The following RBPJ variants were observed in gnomAD, a reference collection of about 807,000 sequenced individuals.
RBPJ encodes recombining binding protein suppressor of hairless.
In RBPJ, 9 loss-of-function variants were observed where a neutral mutation model predicts 67.8. The ratio of observed to expected loss-of-function variants is 0.13; its 90% confidence interval spans 0.08 to 0.23. RBPJ has a LOEUF of 0.23. Among genes scored for constraint, RBPJ ranks in the 10% least tolerant of loss-of-function variants. The probability of loss-of-function intolerance (pLI) is 1.00; values close to 1 mark genes in which losing one functional copy is unlikely to be tolerated. For synonymous variants in RBPJ, 198 were observed against 203.3 expected (o/e 0.97, Z 0.22); for missense variants, 305 against 595.6 (o/e 0.51, Z 5.08).
chr4:26,201,070 G>A (rs1717965247), intron 1 of RBPJ, among the ~76,000 whole-genome samples: 1 of 152,038 alleles, frequency 6.6e-6, no homozygotes, highest in African/African-American at 2.4e-5. Context: ...ATAATCTTTG[G>A]GGTCTCTCTA....
the RBPJ span, among the ~76,000 whole-genome samples, chr4:26,121,873 CTTTTTTTTTTTTT>C: frequency 1.1e-5 from 1 of 94,108 alleles, no homozygotes; most frequent in East Asian, 4.1e-4. Flanking sequence ...GAGTATCTCT[CTTTTTTTTTTTTT>C]TTTTTTTTTG....
intron 1 of RBPJ, among the ~76,000 whole-genome samples, chr4:26,212,507 G>T (rs1214179128): frequency 5.1e-5 from 7 of 138,048 alleles, no homozygotes; most frequent in Non-Finnish European, 1.1e-4. Context: ...TGCAATCTTG[G>T]CTCACTGCAA....
chr4:26,251,631 CA>C (rs763009793), intron 1 of RBPJ, among the ~76,000 whole-genome samples: 12,523 of 99,610 alleles, frequency 0.13, 565 homozygotes, highest in East Asian at 0.29. Context: ...GACTCTTTCT[CA>C]AAAAAAAAAA....
chr4:26,318,996 CAA>C (rs201084739), upstream of RBPJ, among the ~76,000 whole-genome samples: 560 of 83,724 alleles, frequency 6.7e-3, no homozygotes, highest in African/African-American at 8.6e-3. Flanking sequence ...GACTCCGTCT[CAA>C]AAAAAAAAAA....
intron 1 of RBPJ, among the ~76,000 whole-genome samples, chr4:26,230,893 A>C (rs990253347): frequency 8.5e-5 from 13 of 152,182 alleles, no homozygotes; most frequent in South Asian, 6.2e-4. Flanking sequence ...ATCCACTGAT[A>C]TATTTTGACA....
At chr4:26,218,444 C>A (rs921242150) in intron 1 of RBPJ, among the ~76,000 whole-genome samples, 6 of 152,128 alleles carry the variant, frequency 3.9e-5, no homozygotes. Context: ...CCCTCTACCC[C>A]CCGAAGGGTA....
chr4:26,404,395 C>A (rs764670234), intron 2 of RBPJ, among the ~76,000 whole-genome samples: 5 of 152,064 alleles, frequency 3.3e-5, no homozygotes, highest in Non-Finnish European at 7.4e-5. Flanking sequence ...TTATCATCAC[C>A]TGTTATGGGG....
At chr4:26,354,532 C>T (rs901905137) in intron 1 of RBPJ, among the ~76,000 whole-genome samples, 3 of 150,640 alleles carry the variant, frequency 2.0e-5, no homozygotes, top group Non-Finnish European at 4.4e-5. Flanking sequence ...TTATTGCCAC[C>T]TCCACTTCCT....
In RBPJ at chr4:26,197,963, A is replaced by G. The variant is rs568379792; in HGVS notation, c.-167+34349A>G. The stretch of plus-strand genomic sequence containing the variant: ...TTTGTGTAATTTTCATTATAATACT[A>G]TGAGGCAGGCCGGGCGCAGTGGCTC... On this transcript the variant is annotated intron_variant, in intron 1 of 4. Transcript: ENST00000512351. Among the ~76,000 whole-genome samples the G allele has an allele frequency of 8.5e-5, 13 of 152,280 alleles. No individual in the cohort carries two copies. In the South Asian group the frequency reaches 2.7e-3, roughly 32 times the overall value.
intron 1 of RBPJ, among the ~76,000 whole-genome samples, chr4:26,214,613 T>A (rs1428763006): frequency 2.6e-3 from 148 of 57,788 alleles, no homozygotes; most frequent in Middle Eastern, 0.02. Context: ...AGAGAGAGAA[T>A]GAAAAAGAAA....
chr4:26,271,374 TA>T (rs1406249763), intron 1 of RBPJ, among the ~76,000 whole-genome samples: 1 of 152,122 alleles, frequency 6.6e-6, no homozygotes, highest in African/African-American at 2.4e-5. Flanking sequence ...TAGAGTCTTA[TA>T]TTCCCTCTTC....
intron 1 of RBPJ, among the ~76,000 whole-genome samples, chr4:26,262,841 A>G (rs544534926): frequency 1.3e-5 from 2 of 152,102 alleles, no homozygotes; most frequent in South Asian, 2.1e-4. Flanking sequence ...TTTTTCCCCA[A>G]ACTTGCTTGT....
intron 1 of RBPJ, among the ~76,000 whole-genome samples, chr4:26,311,964 C>G (rs1722443438): frequency 6.6e-6 from 1 of 151,992 alleles, no homozygotes; most frequent in Non-Finnish European, 1.5e-5. Flanking sequence ...AGTTCATGGA[C>G]AATTTGCATC....
At chr4:26,360,272 G>C (rs1173196884) in intron 1 of RBPJ, among the ~76,000 whole-genome samples, 2 of 152,022 alleles carry the variant, frequency 1.3e-5, no homozygotes, top group Non-Finnish European at 2.9e-5. Context: ...ATCCTGCCTG[G>C]AAAAGCCATT....
At chr4:26,200,914 T>C (rs1355685250) in intron 1 of RBPJ, among the ~76,000 whole-genome samples, 1 of 152,162 alleles carries the variant, frequency 6.6e-6, no homozygotes, top group Non-Finnish European at 1.5e-5. Flanking sequence ...ACTACCTAGA[T>C]TGTAGATAGT....
At chr4:26,171,116 G>A (rs1031529360) in intron 1 of RBPJ, among the ~76,000 whole-genome samples, 5 of 152,130 alleles carry the variant, frequency 3.3e-5, no homozygotes, top group African/African-American at 7.2e-5. Flanking sequence ...ATGAGATATT[G>A]TTGAAGATAT....
intron 1 of RBPJ, among the ~76,000 whole-genome samples, chr4:26,200,820 C>T (rs893353161): frequency 6.6e-6 from 1 of 152,140 alleles, no homozygotes; most frequent in Non-Finnish European, 1.5e-5. Context: ...TTAGGTGCTT[C>T]TTGTCTCTGG....
intron 7 of RBPJ, among the ~76,000 whole-genome samples, chr4:26,425,534 G>A (rs559038729): frequency 4.6e-5 from 7 of 152,152 alleles, no homozygotes; most frequent in Admixed American, 2.6e-4. Context: ...ACTTGAGCTC[G>A]GGAGGTCAAG....
At chr4:26,154,277 A>C in the RBPJ span, among the ~76,000 whole-genome samples, 1 of 152,146 alleles carries the variant, frequency 6.6e-6, no homozygotes, top group Non-Finnish European at 1.5e-5. Context: ...AAGTTGCTGC[A>C]TTTTCTCCAT....
Sources: gnomAD v4.1 joint callset for allele counts (sites outside exome capture counted in the v4.1 genomes callset) on GRCh38, gnomAD v4.1.1 for gene constraint, MANE v1.5 for transcripts, NCBI Gene and HGNC (gene_info 2026-07-23, HGNC 2026-07-21) for gene names.